PCED1B: variants seen among roughly 807,000 people sequenced by gnomAD.
PCED1B encodes the protein PC-esterase domain containing 1B.
For synonymous variants in PCED1B, 251 were observed against 246.1 expected (o/e 1.02, Z -0.19); for missense variants, 573 against 573.9 (o/e 1.00, Z 0.02).
chr12:47,156,009 AG>A (rs1483226368), intron 2 of PCED1B, among the ~76,000 whole-genome samples: 1 of 152,172 alleles, frequency 6.6e-6, no homozygotes, highest in East Asian at 1.9e-4. Context: ...GAAACTGCAA[AG>A]TGCTGCATCA....
intron 2 of PCED1B, among the ~76,000 whole-genome samples, chr12:47,201,843 G>T (rs1418181355): frequency 6.6e-6 from 1 of 152,016 alleles, no homozygotes; most frequent in African/African-American, 2.4e-5. Flanking sequence ...CAAGTGTTCT[G>T]CCCACCTCGG....
intron 3 of PCED1B, among the ~76,000 whole-genome samples, chr12:47,228,984 T>C (rs1186923897): frequency 6.6e-6 from 1 of 151,796 alleles, no homozygotes; most frequent in Non-Finnish European, 1.5e-5. Flanking sequence ...ACTTGCATCA[T>C]CTAATTTGAT....
rs1327920819 is a variant in PCED1B at position 47,084,056 on chromosome 12, G to T, written c.-609+4331G>T. 2.0e-5 allele frequency among the ~76,000 whole-genome samples: 3 copies of T among 152,034 alleles called. No individual in the cohort carries two copies. In the East Asian group the frequency reaches 5.8e-4, roughly 29 times the overall value. ...ACCACTATCTTAATTACAGAATACAGATGCTCCTCAATTTACAATGGGATT... is the reference window on the plus strand; with the variant it reads ...ACCACTATCTTAATTACAGAATACATATGCTCCTCAATTTACAATGGGATT... On this transcript the variant is annotated intron_variant, in intron 1 of 3. Transcript: ENST00000546455.
chr12:47,083,214 T>C (rs1461483566), intron 1 of PCED1B, among the ~76,000 whole-genome samples: 3 of 152,068 alleles, frequency 2.0e-5, no homozygotes, highest in African/African-American at 7.2e-5. Flanking sequence ...TTTTTACTAA[T>C]AATTAACACT....
intron 2 of PCED1B, among the ~76,000 whole-genome samples, chr12:47,205,039 G>A (rs765616563): frequency 3.9e-5 from 6 of 152,138 alleles, no homozygotes; most frequent in East Asian, 1.9e-4. Context: ...AGTGTAACTC[G>A]TGCAGAGCCA....
At chr12:47,164,455 T>C (rs1941481799) in intron 2 of PCED1B, among the ~76,000 whole-genome samples, 1 of 152,264 alleles carries the variant, frequency 6.6e-6, no homozygotes, top group South Asian at 2.1e-4. Flanking sequence ...TCACTCCATG[T>C]GCTGCCTCCT....
At chr12:47,086,270 G>A (rs1937976481) in intron 1 of PCED1B, among the ~76,000 whole-genome samples, 1 of 147,190 alleles carries the variant, frequency 6.8e-6, no homozygotes, top group African/African-American at 2.5e-5. Flanking sequence ...TGCCCACACT[G>A]CTTTTTGTTT....
chr12:47,223,406 G>GCCCAGA (rs887076103), intron 3 of PCED1B: 27 of 152,192 alleles, frequency 1.8e-4, no homozygotes, highest in African/African-American at 5.6e-4. Flanking sequence ...GGGAGGTGGG[G>GCCCAGA]CCCAGACCCA....
intron 2 of PCED1B, among the ~76,000 whole-genome samples, chr12:47,174,723 A>AT (rs1187865938): frequency 6.6e-6 from 1 of 152,114 alleles, no homozygotes; most frequent in Non-Finnish European, 1.5e-5. Context: ...CTGGAATTTA[A>AT]TTTTTTTTAA....
chr12:47,154,201 T>C (rs541470247), intron 2 of PCED1B, among the ~76,000 whole-genome samples: 1 of 152,332 alleles, frequency 6.6e-6, no homozygotes, highest in East Asian at 1.9e-4. Flanking sequence ...GAGAGTGACA[T>C]GGTAGGTCCT....
chr12:47,088,864 A>G (rs767741565), intron 1 of PCED1B, among the ~76,000 whole-genome samples: 1 of 152,162 alleles, frequency 6.6e-6, no homozygotes, highest in Non-Finnish European at 1.5e-5. Flanking sequence ...TTCACTCAAT[A>G]TTTATTAGAA....
chr12:47,129,434 A>G (rs1940026675), intron 2 of PCED1B, among the ~76,000 whole-genome samples: 1 of 152,156 alleles, frequency 6.6e-6, no homozygotes, highest in South Asian at 2.1e-4. Context: ...GGTTGCAGTG[A>G]GCCATAATCA....
intron 2 of PCED1B, among the ~76,000 whole-genome samples, chr12:47,142,277 A>T (rs961303823): frequency 1.3e-5 from 2 of 152,146 alleles, no homozygotes; most frequent in Non-Finnish European, 2.9e-5. Flanking sequence ...AACCCCACTC[A>T]ACTGCAATCC....
intron 1 of PCED1B, among the ~76,000 whole-genome samples, chr12:47,092,521 G>A (rs1938310329): frequency 6.6e-6 from 1 of 151,828 alleles, no homozygotes; most frequent in South Asian, 2.1e-4. Flanking sequence ...TTCTTTCTCT[G>A]ACCTTTTGCA....
chr12:47,166,176 G>T (rs1462403629), intron 2 of PCED1B, among the ~76,000 whole-genome samples: 1 of 152,156 alleles, frequency 6.6e-6, no homozygotes, highest in African/African-American at 2.4e-5. Context: ...CAGGCTCTGT[G>T]GGAGGGTAAG....
At chr12:47,102,688 A>C (rs1377509086) in intron 1 of PCED1B, among the ~76,000 whole-genome samples, 1 of 152,208 alleles carries the variant, frequency 6.6e-6, no homozygotes, top group African/African-American at 2.4e-5. Context: ...CAGTTACTTA[A>C]TTGCTGAGTC....
chr12:47,093,274 T>C (rs1402046260), intron 1 of PCED1B, among the ~76,000 whole-genome samples: 1 of 152,032 alleles, frequency 6.6e-6, no homozygotes. Context: ...AGCATAAATT[T>C]GTTTTAAGTT....
chr12:47,080,673 A>T (rs377672299), intron 1 of PCED1B, among the ~76,000 whole-genome samples: 2 of 152,216 alleles, frequency 1.3e-5, no homozygotes, highest in African/African-American at 4.8e-5. Context: ...GGAGGGCAGG[A>T]AAGAAGGCTT....
intron 1 of PCED1B, among the ~76,000 whole-genome samples, chr12:47,094,741 C>G (rs1384848194): frequency 6.6e-6 from 1 of 151,888 alleles, no homozygotes; most frequent in Non-Finnish European, 1.5e-5. Flanking sequence ...CATCTTAGTT[C>G]TACATATATT....
Sources: allele counts gnomAD v4.1 joint callset (sites outside exome capture counted in the v4.1 genomes callset), GRCh38; gene constraint gnomAD v4.1.1; transcripts MANE v1.5; gene names NCBI Gene and HGNC (gene_info 2026-07-23, HGNC 2026-07-21).